Variants in SPRED1 observed in about 807,000 individuals in gnomAD.
SPRED1 encodes the protein sprouty-related, EVH1 domain-containing protein 1.
SPRED1 carries 18 observed loss-of-function variants against 52.3 expected under a neutral mutation model. The observed-to-expected ratio is 0.34, with a 90% CI of 0.24 to 0.51. SPRED1 has a LOEUF of 0.51. Ranked by LOEUF, SPRED1 falls within the 20% of genes least tolerant of loss-of-function variation. The probability of loss-of-function intolerance (pLI) is 0.97; values close to 1 mark genes in which losing one functional copy is unlikely to be tolerated. For missense variants in SPRED1, 485 were observed against 551.0 expected (o/e 0.88, Z 1.20); for synonymous variants, 155 against 179.7 (o/e 0.86, Z 1.10).
intron 3 of SPRED1, among the ~76,000 whole-genome samples, chr15:38,323,243 A>G (rs985192224): frequency 1.3e-5 from 2 of 152,184 alleles, no homozygotes; most frequent in Non-Finnish European, 2.9e-5. Context: ...CATTGTACAA[A>G]TCTGTTTTGA....
Position 38,322,396 on chromosome 15 carries a change from GGAT to G in SPRED1, c.364_366del (p.Asp122del). 6.2e-7 allele frequency: 1 copy of G among 1,613,658 alleles called. No homozygotes were observed. Among genetic ancestry groups the G allele is most frequent in the Admixed American group, 1.7e-5 (1 of 59,998 alleles). ...ATAGAGGTATCCGAAGAGCTATAGA[GGAT>G]ATTTCTCAAGGTAGGTATTCTTGAC... On this transcript the variant is annotated inframe_deletion, in exon 3 of 7. Coordinates refer to ENST00000299084, the MANE Select transcript of SPRED1 (RefSeq NM_152594.3).
At chr15:38,287,706 T>TACAGCATACC (rs1201773801) in intron 1 of SPRED1, among the ~76,000 whole-genome samples, 2 of 152,160 alleles carry the variant, frequency 1.3e-5, no homozygotes, top group Non-Finnish European at 2.9e-5. Flanking sequence ...CCCTCAACAA[T>TACAGCATACC]ACAGCATACC....
intron 2 of SPRED1, among the ~76,000 whole-genome samples, chr15:38,317,617 T>C (rs1328328577): frequency 1.3e-5 from 2 of 151,994 alleles, no homozygotes; most frequent in East Asian, 1.9e-4. Context: ...GAAAACTACA[T>C]TGGGCTAAAG....
intron 1 of SPRED1, among the ~76,000 whole-genome samples, chr15:38,286,943 A>G (rs901617930): frequency 2.0e-5 from 3 of 152,102 alleles, no homozygotes; most frequent in Non-Finnish European, 4.4e-5. Flanking sequence ...CATACTGCAC[A>G]TTATTATATT....
intron 1 of SPRED1, among the ~76,000 whole-genome samples, chr15:38,288,234 T>C (rs1595727146): frequency 6.6e-6 from 1 of 152,116 alleles, no homozygotes; most frequent in Non-Finnish European, 1.5e-5. Flanking sequence ...TAGAGGAAGG[T>C]ACTGGAAATT....
rs1888558648 is a variant in SPRED1, at chr15:38,354,315, T to A, written c.*2651T>A. The A allele has an allele frequency of 6.6e-6, 1 of 152,260 alleles. No homozygotes were observed. The highest frequency in any genetic ancestry group is 2.1e-4 in the South Asian group (1 of 4,832). 9.4% of individuals were successfully genotyped at this position (152,260 alleles called of 1,614,324 possible). On this transcript the variant is annotated 3_prime_UTR_variant, in exon 7 of 7. Transcript: ENST00000299084. ...GCTTTTCCTCTAAAACTTTTCTTTG[T>A]TTTTATCTGATATAAGCAGATGGCT...
intron 4 of SPRED1, among the ~76,000 whole-genome samples, chr15:38,335,226 C>T (rs1021157903): frequency 2.0e-5 from 3 of 152,026 alleles, no homozygotes; most frequent in Non-Finnish European, 4.4e-5. Context: ...TACTTATTCT[C>T]CTCCCTGTCC....
At chr15:38,311,273 A>T (rs1895361407) in intron 2 of SPRED1, among the ~76,000 whole-genome samples, 1 of 152,152 alleles carries the variant, frequency 6.6e-6, no homozygotes, top group Non-Finnish European at 1.5e-5. Flanking sequence ...AATAAATCCC[A>T]CTTGGTCATG....
chr15:38,349,274 T>TG (rs1377596903), intron 5 of SPRED1, 148 bp from the exon 6 acceptor site: 12 of 606,198 alleles, frequency 2.0e-5, no homozygotes, highest in Non-Finnish European at 3.6e-5. Flanking sequence ...GTGTTTTAGG[T>TG]GGGGGGAAAT....
chr15:38,339,758 A>C lies in SPRED1; in HGVS notation c.445A>C (p.Ser149Arg). The C allele has an allele frequency of 6.2e-7, 1 of 1,613,890 alleles. No individual in the cohort carries two copies. Residue 149 changes from serine to arginine, a missense_variant, in exon 5 of 7, where the codon AGT becomes CGT. This residue lies in a region of SPRED1 where 232 missense variants were observed against 231.8 expected (regional missense o/e 1.00). Coordinates refer to ENST00000299084, the MANE Select transcript of SPRED1 (RefSeq NM_152594.3). ...DLQANEEDSS[S>R]SLVKDHLFQQ... ...ATAGGCAAATGAAGAGGATTCTTCC[A>C]GTTCTCTAGTGAAGGATCACCTTTT... is the stretch of plus-strand genomic sequence containing the variant.
chr15:38,293,274 A>G (rs1894963063), intron 1 of SPRED1, among the ~76,000 whole-genome samples: 1 of 151,508 alleles, frequency 6.6e-6, no homozygotes, highest in Non-Finnish European at 1.5e-5. Flanking sequence ...TAATTTTTGT[A>G]TCTTTAGTAG....
chr15:38,274,244 A>G (rs559671028), intron 1 of SPRED1, among the ~76,000 whole-genome samples: 1 of 152,324 alleles, frequency 6.6e-6, no homozygotes, highest in South Asian at 2.1e-4. Context: ...TAGAACCAAA[A>G]TTCTACATGT....
At chr15:38,317,765 G>A (rs1367071436) in intron 2 of SPRED1, among the ~76,000 whole-genome samples, 2 of 148,710 alleles carry the variant, frequency 1.3e-5, no homozygotes, top group African/African-American at 2.5e-5. Context: ...CAGATGATGA[G>A]TAAACATCTT....
intron 1 of SPRED1, among the ~76,000 whole-genome samples, chr15:38,281,921 C>T (rs951296146): frequency 6.6e-6 from 1 of 152,028 alleles, no homozygotes; most frequent in Non-Finnish European, 1.5e-5. Context: ...GATGTAAAGT[C>T]GATACCTAGT....
At chr15:38,347,189 T>C (rs1338939302) in intron 5 of SPRED1, among the ~76,000 whole-genome samples, 1 of 152,172 alleles carries the variant, frequency 6.6e-6, no homozygotes, top group Non-Finnish European at 1.5e-5. Flanking sequence ...TTTAATCCAC[T>C]TTAATTTGAT....
chr15:38,263,754 G>T (rs764729153), intron 1 of SPRED1, among the ~76,000 whole-genome samples: 1 of 152,106 alleles, frequency 6.6e-6, no homozygotes, highest in Non-Finnish European at 1.5e-5. Flanking sequence ...GTCTACTTTG[G>T]AAGAATTGTC....
intron 4 of SPRED1, among the ~76,000 whole-genome samples, chr15:38,338,369 T>G (rs1404124656): frequency 6.6e-6 from 1 of 151,714 alleles, no homozygotes; most frequent in African/African-American, 2.4e-5. Context: ...AGTCATTTAT[T>G]TTCAGAAATC....
intron 1 of SPRED1, among the ~76,000 whole-genome samples, chr15:38,294,440 A>T (rs1170778241): frequency 6.6e-6 from 1 of 152,188 alleles, no homozygotes; most frequent in Non-Finnish European, 1.5e-5. Flanking sequence ...TATCTTCGAG[A>T]ACGTGTTTCC....
chr15:38,346,725 G>A (rs192176209), intron 5 of SPRED1, among the ~76,000 whole-genome samples: 10 of 152,180 alleles, frequency 6.6e-5, no homozygotes, highest in Middle Eastern at 3.4e-3. Flanking sequence ...TTTCTTGTCC[G>A]CAGCTATTCA....
Sources: allele counts gnomAD v4.1 joint callset (sites outside exome capture counted in the v4.1 genomes callset), GRCh38; gene constraint gnomAD v4.1.1; regional missense constraint gnomAD v4.1.1; transcripts MANE v1.5; gene names NCBI Gene and HGNC (gene_info 2026-07-23, HGNC 2026-07-21).